CCDC69: variants seen among roughly 807,000 people sequenced by gnomAD.
CCDC69 encodes coiled-coil domain containing 69, also known as coiled-coil domain-containing protein 69.
CCDC69 carries 38 observed loss-of-function variants against 40.3 expected under a neutral mutation model. The observed-to-expected ratio is 0.94, with a 90% CI of 0.73 to 1.24. The LOEUF is 1.24. Among genes scored for constraint, CCDC69 ranks in the 50% most tolerant of loss-of-function variants. The pLI is 0.00. For synonymous variants in CCDC69, 141 were observed against 138.9 expected (o/e 1.02, Z -0.11); for missense variants, 389 against 357.9 (o/e 1.09, Z -0.70).
intron 1 of CCDC69, among the ~76,000 whole-genome samples, chr5:151,220,533 T>A (rs1448337401): frequency 2.0e-5 from 3 of 152,190 alleles, no homozygotes; most frequent in Non-Finnish European, 4.4e-5. Flanking sequence ...CACCAGCCTC[T>A]TCCTTATCAT....
In CCDC69 at chr5:151,182,931, T is replaced by G. The variant is rs1385894591; in HGVS notation, c.*506A>C. 1 of 410,094 alleles carries G rather than the reference T, an allele frequency of 2.4e-6. No individual in the cohort carries two copies. Among genetic ancestry groups the G allele is most frequent in the African/African-American group, 2.1e-5 (1 of 48,778 alleles). 25.4% of individuals were successfully genotyped at this position (410,094 alleles called of 1,614,324 possible). A position where few individuals can be genotyped will look rare whatever the true frequency, so the allele number is the denominator to read the frequency against. On this transcript the variant is annotated 3_prime_UTR_variant, in exon 9 of 9. Coordinates refer to ENST00000355417, the MANE Select transcript of CCDC69 (RefSeq NM_015621.3). The stretch of plus-strand genomic sequence containing the variant: ...CTCTGGCCTTCAGACAATCCTAGAA[T>G]GGGACACTGCAGTGACATAAGAGTC...
Position 151,183,412 on chromosome 5 carries a change from T to A in CCDC69, c.*25A>T, listed in dbSNP as rs1695384282. ...TTGGAAGGAGCTGTGACTTCAGGCG[T>A]CGTGGTGGGCCCAGGCCCTGCACCC... On this transcript the variant is annotated 3_prime_UTR_variant, in exon 9 of 9. Transcript: ENST00000355417. 1.3e-6 allele frequency: 2 copies of A among 1,588,630 alleles called. No individual in the cohort carries two copies. Among genetic ancestry groups the A allele is most frequent in the African/African-American group, 2.7e-5 (2 of 74,940 alleles).
At chr5:151,203,289 C>G (rs1021405341) in intron 2 of CCDC69, among the ~76,000 whole-genome samples, 5 of 151,848 alleles carry the variant, frequency 3.3e-5, no homozygotes, top group African/African-American at 1.2e-4. Flanking sequence ...GTGAGCAGAT[C>G]ACTTAAGGTC....
At chr5:151,213,960 GAAGGGCCCCAGGAGGCAGCTGACTCC>G (rs1331431679) in intron 1 of CCDC69, among the ~76,000 whole-genome samples, 2 of 152,174 alleles carry the variant, frequency 1.3e-5, no homozygotes, top group Non-Finnish European at 2.9e-5. Flanking sequence ...AGCAGGGTTG[GAAGGGCCCCAGGAGGCAGCTGACTCC>G]AATCCCCACC....
intron 1 of CCDC69, among the ~76,000 whole-genome samples, chr5:151,213,960 G>T (rs933045072): frequency 1.3e-5 from 2 of 152,174 alleles, no homozygotes; most frequent in Non-Finnish European, 2.9e-5. Context: ...AGCAGGGTTG[G>T]AAGGGCCCCA....
At chr5:151,184,571 C>A in intron 7 of CCDC69, 130 bp from the exon 8 acceptor site, 1 of 574,976 alleles carries the variant, frequency 1.7e-6, no homozygotes, top group East Asian at 2.9e-5. Flanking sequence ...TTTCATGGAG[C>A]AATAAGGTAA....
intron 1 of CCDC69, among the ~76,000 whole-genome samples, chr5:151,215,314 G>C (rs1436250350): frequency 6.6e-6 from 1 of 152,216 alleles, no homozygotes; most frequent in Non-Finnish European, 1.5e-5. Context: ...TCTGCTTGCT[G>C]TGTGACCTTG....
At chr5:151,183,909 GGAA>G (rs928061333) in intron 8 of CCDC69, among the ~76,000 whole-genome samples, 23 of 152,270 alleles carry the variant, frequency 1.5e-4, no homozygotes, top group Admixed American at 9.8e-4. Flanking sequence ...TTGTAAAATG[GGAA>G]GAAGAAGAAT....
chr5:151,203,806 A>G (rs1015153199), intron 2 of CCDC69, among the ~76,000 whole-genome samples: 6 of 123,814 alleles, frequency 4.8e-5, no homozygotes, highest in Admixed American at 8.7e-5. Context: ...TAGTATATAT[A>G]ATATATATCG....
Position 151,187,361 on chromosome 5 carries a change from A to G in CCDC69, c.393+25T>C, listed in dbSNP as rs758085908. 3 of 1,608,770 alleles carry G rather than the reference A, an allele frequency of 1.9e-6. No individual in the cohort carries two copies. The Middle Eastern group carries it at 5.2e-4, about 276-fold the overall frequency. On this transcript the variant is annotated intron_variant, in intron 5 of 8. Transcript: ENST00000355417. ...TGGTCCTCACTTACCCTTATCCAAG[A>G]CTGACACGACCCAGCCCCTCTCACC...
Position 151,182,750 on chromosome 5 carries a change from G to C in CCDC69, c.*687C>G. On this transcript the variant is annotated 3_prime_UTR_variant, in exon 9 of 9. Coordinates refer to ENST00000355417, the MANE Select transcript of CCDC69 (RefSeq NM_015621.3). ...TAAAGGAAGAGGAGCTCTGGCTACTGTCCCTTGGTGGACACGACTCTGGCC... is the reference window on the plus strand; with the variant it reads ...TAAAGGAAGAGGAGCTCTGGCTACTCTCCCTTGGTGGACACGACTCTGGCC... The C allele has an allele frequency of 6.3e-6, 2 of 319,024 alleles. No individual in the cohort carries two copies. Among genetic ancestry groups the C allele is most frequent in the Non-Finnish European group, 1.2e-5 (2 of 160,842 alleles). The allele number at this position is 319,024 out of a possible 1,614,324, so 19.8% of individuals were successfully genotyped here. A position where few individuals can be genotyped will look rare whatever the true frequency, so the allele number is the denominator to read the frequency against.
At chr5:151,219,504 C>G (rs1226543659) in intron 1 of CCDC69, among the ~76,000 whole-genome samples, 39 of 152,128 alleles carry the variant, frequency 2.6e-4, no homozygotes, top group Admixed American at 2.6e-3. Context: ...AGCCACGGAA[C>G]AGCCACAGGA....
At chr5:151,220,682 T>C (rs1269432996) in intron 1 of CCDC69, among the ~76,000 whole-genome samples, 1 of 152,136 alleles carries the variant, frequency 6.6e-6, no homozygotes, top group Non-Finnish European at 1.5e-5. Context: ...CTTGGAACTA[T>C]GGAGCTATAG....
In CCDC69 at chr5:151,184,461, C is replaced by G. The variant is rs776274678; in HGVS notation, c.616-20G>C. Reference sequence around the variant, plus strand: ...CTCTTTCTATAACAATGAGAATGAGCTCAGAAAGCTGCCAAACTCACGCTG... The same window carrying G: ...CTCTTTCTATAACAATGAGAATGAGGTCAGAAAGCTGCCAAACTCACGCTG... On this transcript the variant is annotated intron_variant, in intron 7 of 8. Transcript: ENST00000355417. 7.1e-6 allele frequency: 11 copies of G among 1,540,604 alleles called. No individual in the cohort carries two copies. The highest frequency in any genetic ancestry group is 9.9e-6 in the Non-Finnish European group (11 of 1,113,238).
chr5:151,184,381 G>T lies in CCDC69; in HGVS notation c.676C>A (p.Leu226Ile). Residue 226 changes from leucine (L) to isoleucine (I), a missense_variant, in exon 8 of 9, where the codon CTC becomes ATC. Physicochemically the swap from Leu to Ile is conservative, Grantham distance 5. Coordinates refer to ENST00000355417, the MANE Select transcript of CCDC69 (RefSeq NM_015621.3). ...ITTLQQENED[L>I]HVRSRNQVVL... ...ACCTGGTTGCGGCTTCGGACATGGA[G>T]GTCCTCATTTTCCTGTTGCAGGGTC... 6.2e-7 allele frequency: 1 copy of T among 1,614,052 alleles called. No individual in the cohort carries two copies. The highest frequency in any genetic ancestry group is 1.1e-5 in the South Asian group (1 of 91,080).
chr5:151,186,039 T>A lies in CCDC69; in HGVS notation c.479A>T (p.Tyr160Phe). ...RVEESILSRNYKKHIQDYGSP... is the reference protein window; with the variant it reads ...RVEESILSRNFKKHIQDYGSP... ...GCCACCTACCTGGATATGTTTCTTA[T>A]AGTTTCGGCTCAGAATGGACTCCTC... The change falls in exon 6 of 9, where the codon TAT becomes TTT. Residue 160 changes from tyrosine (Y) to phenylalanine (F), a missense_variant. Transcript: ENST00000355417. 6.2e-7 allele frequency: 1 copy of A among 1,613,736 alleles called. No homozygotes were observed. Among genetic ancestry groups the A allele is most frequent in the Non-Finnish European group, 8.5e-7 (1 of 1,179,672 alleles).
chr5:151,216,932 C>T (rs773212442), intron 1 of CCDC69, among the ~76,000 whole-genome samples: 5 of 152,038 alleles, frequency 3.3e-5, no homozygotes, highest in South Asian at 2.1e-4. Flanking sequence ...TTGGGAAGGA[C>T]GTGTGTGTGG....
Position 151,185,487 on chromosome 5 carries a change from C to T in CCDC69, c.550G>A (p.Val184Ile). Residue 184 changes from valine to isoleucine, a missense_variant, in exon 7 of 9, where the codon GTC becomes ATC. Transcript: ENST00000355417. ...ATACGCTCATTCTTCATCTCGATGA[C>T]AAAGTGTAAGCTCTCCAGCTCCTGC... ...WEQELESLHF[V>I]IEMKNERIHE... The T allele has an allele frequency of 6.2e-7, 1 of 1,614,094 alleles. No homozygotes were observed. Among genetic ancestry groups the T allele is most frequent in the African/African-American group, 1.3e-5 (1 of 75,046 alleles).
Position 151,205,520 on chromosome 5 carries a change from G to A in CCDC69, c.49-45C>T, listed in dbSNP as rs753574714. On this transcript the variant is annotated intron_variant, in intron 1 of 8. Coordinates refer to ENST00000355417, the MANE Select transcript of CCDC69 (RefSeq NM_015621.3). ...AGCAAGGCGTGGGTAGAGGGTGGGA[G>A]GTCAATGCGAGGACGGGCTGCTATA... 3.2e-6 allele frequency: 5 copies of A among 1,538,516 alleles called. No homozygotes were observed. The Admixed American group carries it at 8.4e-5, about 26-fold the overall frequency.
Sources: allele counts gnomAD v4.1 joint callset (sites outside exome capture counted in the v4.1 genomes callset), GRCh38; gene constraint gnomAD v4.1.1; transcripts MANE v1.5; gene names NCBI Gene and HGNC (gene_info 2026-07-23, HGNC 2026-07-21).